Variants in ADK observed in about 807,000 individuals in gnomAD.
The protein encoded by ADK is adenosine kinase.
ADK carries 24 observed loss-of-function variants against 44.7 expected under a neutral mutation model. That is an observed-to-expected ratio of 0.54 (90% confidence interval 0.39 to 0.76). The LOEUF is 0.76. Ranked by LOEUF, ADK falls within the 30% of genes least tolerant of loss-of-function variation. The pLI is 0.00. For synonymous variants in ADK, 128 were observed against 142.6 expected, an observed-to-expected ratio of 0.90 and a Z score of 0.73; for missense variants, 321 against 425.1, an observed-to-expected ratio of 0.76 and a Z score of 2.15.
chr10:74,583,435 C>T (rs73276221), intron 7 of ADK, among the ~76,000 whole-genome samples: 6,547 of 152,166 alleles, frequency 0.043, 433 homozygotes, highest in African/African-American at 0.14. Flanking sequence ...TAATATCTCC[C>T]GGTTAATCTG....
chr10:74,441,201 A>G (rs1845395842), intron 6 of ADK, among the ~76,000 whole-genome samples: 1 of 152,244 alleles, frequency 6.6e-6, no homozygotes, highest in African/African-American at 2.4e-5. Context: ...CTTAGCCATC[A>G]GACAGTGGCA....
intron 7 of ADK, among the ~76,000 whole-genome samples, chr10:74,563,488 G>A (rs1168071396): frequency 6.6e-6 from 1 of 152,168 alleles, no homozygotes; most frequent in African/African-American, 2.4e-5. Flanking sequence ...TAAGTGAAAG[G>A]ATGGACTGAA....
At chr10:74,527,599 T>C (rs2133640525) in intron 7 of ADK, 1 of 774,088 alleles carries the variant, frequency 1.3e-6, no homozygotes, top group Non-Finnish European at 2.4e-6. Flanking sequence ...TGCCTCTGCC[T>C]TTGCCGGTGC....
chr10:74,609,718 T>G (rs1181228415), intron 9 of ADK, among the ~76,000 whole-genome samples: 1 of 152,186 alleles, frequency 6.6e-6, no homozygotes, highest in African/African-American at 2.4e-5. Flanking sequence ...TATTTTTAAA[T>G]GATCACACTG....
chr10:74,559,710 C>A (rs1245012997), intron 7 of ADK, among the ~76,000 whole-genome samples: 1 of 152,104 alleles, frequency 6.6e-6, no homozygotes, highest in Non-Finnish European at 1.5e-5. Context: ...TTTATTGTTT[C>A]AATTTGCAGT....
intron 1 of ADK, among the ~76,000 whole-genome samples, chr10:74,169,643 T>G (rs1168784068): frequency 6.6e-6 from 1 of 152,238 alleles, no homozygotes; most frequent in Non-Finnish European, 1.5e-5. Context: ...AAGTGAAATG[T>G]GACATATAAG....
chr10:74,227,461 A>G (rs1351354671), intron 3 of ADK, among the ~76,000 whole-genome samples: 1 of 152,140 alleles, frequency 6.6e-6, no homozygotes, highest in Non-Finnish European at 1.5e-5. Context: ...TGTAATCCCA[A>G]CACTTTGAGA....
intron 1 of ADK, among the ~76,000 whole-genome samples, chr10:74,161,182 A>T (rs941195449): frequency 6.6e-6 from 1 of 152,144 alleles, no homozygotes; most frequent in African/African-American, 2.4e-5. Context: ...ACAGGCTCTG[A>T]ATTTCTGTTG....
intron 7 of ADK, among the ~76,000 whole-genome samples, chr10:74,575,698 C>T (rs2133874973): frequency 6.6e-6 from 1 of 152,174 alleles, no homozygotes; most frequent in Non-Finnish European, 1.5e-5. Context: ...TTACGAAGGA[C>T]CTCTGAAAGT....
At chr10:74,323,579 T>C (rs73286281) in intron 4 of ADK, among the ~76,000 whole-genome samples, 18,612 of 151,546 alleles carry the variant, frequency 0.12, 1,210 homozygotes, top group Middle Eastern at 0.17. Context: ...CTTTTCTTTT[T>C]TTTTTTTTTG....
chr10:74,302,121 T>TTTTTTTTTG (rs1840072887), intron 3 of ADK, among the ~76,000 whole-genome samples: 1 of 96,016 alleles, frequency 1.0e-5, no homozygotes, highest in Non-Finnish European at 2.1e-5. Flanking sequence ...TTTTTTTTTT[T>TTTTTTTTTG]TTTTTTTTTT....
At chr10:74,288,143 T>C (rs1020580739) in intron 3 of ADK, among the ~76,000 whole-genome samples, 5 of 152,190 alleles carry the variant, frequency 3.3e-5, no homozygotes, top group African/African-American at 1.2e-4. Context: ...AGCATATTTG[T>C]AAATAACGGG....
chr10:74,206,564 C>A (rs545967547), intron 2 of ADK, among the ~76,000 whole-genome samples: 2 of 152,320 alleles, frequency 1.3e-5, no homozygotes, highest in Non-Finnish European at 2.9e-5. Context: ...TTCCCCCCAG[C>A]CTGTCACCTG....
At chr10:74,201,956 T>G (rs1156935804) in intron 2 of ADK, among the ~76,000 whole-genome samples, 1 of 152,128 alleles carries the variant, frequency 6.6e-6, no homozygotes, top group Non-Finnish European at 1.5e-5. Context: ...AATTGATCGT[T>G]TTAACCATTA....
At chr10:74,218,485 C>T (rs561767535) in intron 2 of ADK, among the ~76,000 whole-genome samples, 70 of 152,106 alleles carry the variant, frequency 4.6e-4, no homozygotes, top group Non-Finnish European at 6.6e-4. Context: ...TCTAGCAAGG[C>T]AGCCAACATT....
chr10:74,490,059 C>T (rs1471591846), intron 6 of ADK, among the ~76,000 whole-genome samples: 1 of 151,926 alleles, frequency 6.6e-6, no homozygotes, highest in Non-Finnish European at 1.5e-5. Flanking sequence ...ACCAATATTT[C>T]TGAAAATGAA....
At chr10:74,652,805 C>T (rs573639512) in intron 9 of ADK, among the ~76,000 whole-genome samples, 1 of 151,854 alleles carries the variant, frequency 6.6e-6, no homozygotes, top group South Asian at 2.1e-4. Flanking sequence ...ACCCAGTATG[C>T]TAGTATATAT....
intron 1 of ADK, among the ~76,000 whole-genome samples, chr10:74,171,154 C>T (rs1302462357): frequency 2.0e-5 from 3 of 152,004 alleles, no homozygotes; most frequent in Non-Finnish European, 2.9e-5. Context: ...TTAACTATTA[C>T]CCTATTTCTG....
chr10:74,328,088 T>C (rs1298541690), intron 4 of ADK, among the ~76,000 whole-genome samples: 2 of 152,148 alleles, frequency 1.3e-5, no homozygotes, highest in African/African-American at 2.4e-5. Context: ...TTTGTATTTT[T>C]AGTAGAGACG....
Sources: allele counts gnomAD v4.1 joint callset (sites outside exome capture counted in the v4.1 genomes callset), GRCh38; gene constraint gnomAD v4.1.1; transcripts MANE v1.5; gene names NCBI Gene and HGNC (gene_info 2026-07-23, HGNC 2026-07-21).